Variants in HHAT observed in about 807,000 individuals in gnomAD.
HHAT encodes the protein hedgehog acyltransferase.
A neutral mutation model predicts 70.8 loss-of-function variants in HHAT; 47 were observed. The observed-to-expected ratio is 0.66, with a 90% CI of 0.53 to 0.85. HHAT has a LOEUF of 0.85. Ranked by LOEUF, HHAT falls within the 40% of genes least tolerant of loss-of-function variation. The pLI is 0.00. For missense variants in HHAT, 609 were observed against 604.8 expected, an observed-to-expected ratio of 1.01 and a Z score of -0.07; for synonymous variants, 228 against 247.6, an observed-to-expected ratio of 0.92 and a Z score of 0.74.
chr1:210,535,472 ATAAT>A (rs2095362420), intron 9 of HHAT, among the ~76,000 whole-genome samples: 1 of 151,074 alleles, frequency 6.6e-6, no homozygotes, highest in Admixed American at 6.6e-5. Context: ...AATAATATAA[ATAAT>A]CTGTCTTTCA....
chr1:210,333,675 T>C (rs1159803042), intron 1 of HHAT, among the ~76,000 whole-genome samples: 1 of 151,702 alleles, frequency 6.6e-6, no homozygotes, highest in East Asian at 1.9e-4. Context: ...TTTTTTTTTC[T>C]GAGACAGCGT....
chr1:210,509,408 G>T (rs1169291920), intron 8 of HHAT, among the ~76,000 whole-genome samples: 3 of 152,150 alleles, frequency 2.0e-5, no homozygotes, highest in Admixed American at 1.3e-4. Context: ...GTTAAGGTTG[G>T]TGCATTCCTA....
intron 9 of HHAT, among the ~76,000 whole-genome samples, chr1:210,559,305 A>C (rs2095600635): frequency 6.6e-6 from 1 of 152,182 alleles, no homozygotes; most frequent in Non-Finnish European, 1.5e-5. Flanking sequence ...TGTACTCTTC[A>C]TGATTTTAAA....
intron 11 of HHAT, among the ~76,000 whole-genome samples, chr1:210,657,218 T>C (rs530285576): frequency 1.3e-5 from 2 of 152,252 alleles, no homozygotes; most frequent in African/African-American, 2.4e-5. Flanking sequence ...GGCCTGCTCT[T>C]AGGCAGGAGG....
intron 4 of HHAT, among the ~76,000 whole-genome samples, chr1:210,400,111 A>G (rs1056942437): frequency 6.6e-6 from 1 of 151,988 alleles, no homozygotes; most frequent in Admixed American, 6.5e-5. Context: ...TCCAGTTGGC[A>G]TTTTTCCAGC....
chr1:210,437,140 A>G (rs1041377815), intron 7 of HHAT, among the ~76,000 whole-genome samples: 3 of 151,914 alleles, frequency 2.0e-5, no homozygotes, highest in Non-Finnish European at 1.5e-5. Context: ...CACATTCTGT[A>G]TCCCGTGGGA....
chr1:210,401,279 A>C (rs1284567705), intron 5 of HHAT, among the ~76,000 whole-genome samples: 3 of 152,040 alleles, frequency 2.0e-5, no homozygotes, highest in African/African-American at 7.2e-5. Context: ...ATACCCAGTT[A>C]ATTTTTGTAT....
At chr1:210,631,656 GCTGTCATAAGAGCTGAGGGCCTGTGA>G (rs563795404) in intron 11 of HHAT, among the ~76,000 whole-genome samples, 72 of 152,334 alleles carry the variant, frequency 4.7e-4, no homozygotes, top group African/African-American at 1.7e-3. Context: ...TCTCAGGGTG[GCTGTCATAAGAGCTGAGGGCCTGTGA>G]CTGTCACATG....
chr1:210,337,700 C>T (rs1314046190), intron 1 of HHAT, among the ~76,000 whole-genome samples: 3 of 152,132 alleles, frequency 2.0e-5, no homozygotes, highest in Non-Finnish European at 1.5e-5. Flanking sequence ...TTGGGCCCAC[C>T]CAGATAATCC....
intron 10 of HHAT, among the ~76,000 whole-genome samples, chr1:210,618,612 C>T (rs941564817): frequency 2.6e-5 from 4 of 152,196 alleles, no homozygotes; most frequent in Admixed American, 2.0e-4. Context: ...CCCCACCTCC[C>T]GTCTCAGCCC....
At chr1:210,377,617 T>A (rs1222964125) in intron 3 of HHAT, among the ~76,000 whole-genome samples, 1 of 152,190 alleles carries the variant, frequency 6.6e-6, no homozygotes, top group Non-Finnish European at 1.5e-5. Context: ...GACCAGAGGA[T>A]GTTACTGAGT....
chr1:210,487,394 G>A (rs947243292), intron 8 of HHAT, among the ~76,000 whole-genome samples: 8 of 152,156 alleles, frequency 5.3e-5, no homozygotes, highest in Non-Finnish European at 1.0e-4. Flanking sequence ...GAGCTTCTCC[G>A]TGGACTTCAC....
At chr1:210,665,112 G>A (rs375408184) in intron 11 of HHAT, among the ~76,000 whole-genome samples, 2 of 152,236 alleles carry the variant, frequency 1.3e-5, no homozygotes, top group East Asian at 1.9e-4. Flanking sequence ...CAGGTTGGCT[G>A]TGTGGGCTGT....
At chr1:210,574,789 G>A (rs1657253187) in intron 9 of HHAT, among the ~76,000 whole-genome samples, 2 of 152,204 alleles carry the variant, frequency 1.3e-5, no homozygotes, top group South Asian at 4.1e-4. Context: ...AACCAGCTAG[G>A]CATTTCTTTA....
chr1:210,648,200 C>T (rs1312323634), intron 11 of HHAT, among the ~76,000 whole-genome samples: 1 of 152,168 alleles, frequency 6.6e-6, no homozygotes, highest in Non-Finnish European at 1.5e-5. Context: ...CTGCTATCTC[C>T]AGAAAGCCAC....
chr1:210,399,091 G>A (rs2091938085), intron 4 of HHAT, among the ~76,000 whole-genome samples: 1 of 152,206 alleles, frequency 6.6e-6, no homozygotes, highest in South Asian at 2.1e-4. Context: ...GTTTCCACAA[G>A]ACGACCTAAG....
At chr1:210,659,247 A>G (rs559740308) in intron 11 of HHAT, among the ~76,000 whole-genome samples, 1 of 152,348 alleles carries the variant, frequency 6.6e-6, no homozygotes, top group East Asian at 1.9e-4. Flanking sequence ...CAAATGATAA[A>G]GGGGATATCA....
chr1:210,385,186 G>T (rs2090945107), intron 3 of HHAT, among the ~76,000 whole-genome samples: 1 of 140,526 alleles, frequency 7.1e-6, no homozygotes, highest in Admixed American at 7.1e-5. Flanking sequence ...TAAGCTTGGG[G>T]TCATGAATTC....
chr1:210,538,902 C>T (rs1455948074), intron 9 of HHAT, among the ~76,000 whole-genome samples: 1 of 152,158 alleles, frequency 6.6e-6, no homozygotes, highest in Non-Finnish European at 1.5e-5. Flanking sequence ...CATGGTGAAA[C>T]CCCGTCTCTA....
Sources: gnomAD v4.1 joint callset for allele counts (sites outside exome capture counted in the v4.1 genomes callset) on GRCh38, gnomAD v4.1.1 for gene constraint, MANE v1.5 for transcripts, NCBI Gene and HGNC (gene_info 2026-07-23, HGNC 2026-07-21) for gene names.